PLB1: variants seen among roughly 807,000 people sequenced by gnomAD.
The protein encoded by PLB1 is phospholipase B1, membrane-associated.
Under a neutral mutation model 227.4 loss-of-function variants are expected in PLB1, and 242 were observed. That is an observed-to-expected ratio of 1.06 (90% CI 0.96 to 1.18). The LOEUF is 1.18. Among genes scored for constraint, PLB1 ranks in the 50% most tolerant of loss-of-function variants. PLB1 has a pLI of 0.00. For missense variants in PLB1, 1,858 were observed against 1,816.3 expected (o/e 1.02, Z -0.42); for synonymous variants, 757 against 682.2 (o/e 1.11, Z -1.71).
intron 56 of PLB1, among the ~76,000 whole-genome samples, chr2:28,637,984 G>A (rs376430852): frequency 3.3e-5 from 5 of 151,972 alleles, no homozygotes; most frequent in East Asian, 1.9e-4. Flanking sequence ...GCCTTCCCCC[G>A]CCAAGCTTCT....
intron 14 of PLB1, among the ~76,000 whole-genome samples, chr2:28,543,938 C>T (rs904806434): frequency 7.2e-5 from 11 of 152,354 alleles, no homozygotes; most frequent in South Asian, 4.1e-4. Context: ...GTGGCGTCGA[C>T]GTCGAGGCTT....
chr2:28,640,023 T>TC (rs958040121), intron 56 of PLB1, among the ~76,000 whole-genome samples: 5 of 152,236 alleles, frequency 3.3e-5, no homozygotes, highest in African/African-American at 9.6e-5. Context: ...CTGCCCTCCC[T>TC]CCTCCAATTG....
intron 4 of PLB1, among the ~76,000 whole-genome samples, chr2:28,520,754 C>T (rs1669423432): frequency 6.6e-6 from 1 of 152,104 alleles, no homozygotes; most frequent in Non-Finnish European, 1.5e-5. Context: ...GGGCAGATCA[C>T]TTGAGGTCAG....
intron 13 of PLB1, among the ~76,000 whole-genome samples, chr2:28,542,940 C>T (rs1298529028): frequency 1.3e-5 from 2 of 152,210 alleles, no homozygotes; most frequent in East Asian, 1.9e-4. Flanking sequence ...CCTGCCACCC[C>T]CTCCTTCCAC....
intron 33 of PLB1, chr2:28,596,132 A>G (rs1410222971): frequency 6.6e-6 from 1 of 152,238 alleles, no homozygotes; most frequent in Non-Finnish European, 1.5e-5. Context: ...AATGTTACTG[A>G]GCATCTACTC....
intron 17 of PLB1, among the ~76,000 whole-genome samples, chr2:28,557,279 T>G (rs916147156): frequency 2.6e-5 from 4 of 152,186 alleles, no homozygotes; most frequent in Non-Finnish European, 5.9e-5. Flanking sequence ...ACACGTTTCT[T>G]GAGCTCCTCT....
chr2:28,506,774 C>T (rs1487592366), intron 1 of PLB1, among the ~76,000 whole-genome samples: 1 of 152,166 alleles, frequency 6.6e-6, no homozygotes, highest in Non-Finnish European at 1.5e-5. Flanking sequence ...TCAAAAGAGG[C>T]ACCACCTTGG....
chr2:28,642,745 G>A (rs1690109956), intron 57 of PLB1, 113 bp from the exon 58 acceptor site: 2 of 946,404 alleles, frequency 2.1e-6, no homozygotes, highest in Admixed American at 2.6e-5. Flanking sequence ...GAAGCTCTGT[G>A]AAAACGTGCA....
At chr2:28,585,161 A>G (rs1680694698) in intron 25 of PLB1, among the ~76,000 whole-genome samples, 1 of 152,238 alleles carries the variant, frequency 6.6e-6, no homozygotes, top group South Asian at 2.1e-4. Context: ...CCTCATCGGC[A>G]CAGCACTTTC....
At chr2:28,538,966 C>A in intron 10 of PLB1, 133 bp from the exon 11 acceptor site, 1 of 712,672 alleles carries the variant, frequency 1.4e-6, no homozygotes, top group Non-Finnish European at 2.6e-6. Flanking sequence ...CCCAAAGGAT[C>A]AGGCCCAGTT....
At chr2:28,621,176 C>T (rs965861136) in intron 49 of PLB1, among the ~76,000 whole-genome samples, 198 bp downstream of exon 49, 1 of 152,192 alleles carries the variant, frequency 6.6e-6, no homozygotes, top group African/African-American at 2.4e-5. Context: ...CTTTCCAGAA[C>T]CACCAAGATT....
intron 7 of PLB1, 123 bp from the exon 8 acceptor site, chr2:28,529,605 T>C (rs1369692494): frequency 2.7e-6 from 3 of 1,099,982 alleles, no homozygotes; most frequent in African/African-American, 1.6e-5. Context: ...ATGCCCACCC[T>C]TCAGAAGCCA....
Position 28,538,392 on chromosome 2 carries a change from G to T in PLB1, c.618+11G>T. ...TACCTGCAGCAGGAGGTGAGGCCAC[G>T]GGCCTAGGGCTTCCCCAAGGGCAGT... On this transcript the variant is annotated intron_variant, in intron 10 of 57. Coordinates refer to ENST00000327757, the MANE Select transcript of PLB1 (RefSeq NM_153021.5). 6.2e-7 allele frequency: 1 copy of T among 1,609,582 alleles called. No homozygotes were observed. The highest frequency in any genetic ancestry group is 8.5e-7 in the Non-Finnish European group (1 of 1,178,826).
At chr2:28,526,167 C>T (rs1430756546) in intron 6 of PLB1, among the ~76,000 whole-genome samples, 1 of 152,118 alleles carries the variant, frequency 6.6e-6, no homozygotes, top group Non-Finnish European at 1.5e-5. Flanking sequence ...TCTGGGCAAA[C>T]AGAAGCCAGT....
chr2:28,553,101 C>A, intron 17 of PLB1, 110 bp downstream of exon 17: 1 of 874,600 alleles, frequency 1.1e-6, no homozygotes, highest in East Asian at 2.5e-5. Flanking sequence ...TCAGGGACAA[C>A]AGAAATAACT....
chr2:28,586,462 C>T (rs1680922838), intron 26 of PLB1, among the ~76,000 whole-genome samples: 2 of 152,158 alleles, frequency 1.3e-5, no homozygotes, highest in East Asian at 3.9e-4. Flanking sequence ...TCGAGTTTCT[C>T]CCCAGCAAAA....
chr2:28,550,044 A>T lies in PLB1; in HGVS notation c.1043A>T (p.Asn348Ile). The T allele has an allele frequency of 1.9e-6, 3 of 1,613,676 alleles. No individual in the cohort carries two copies. The highest frequency in any genetic ancestry group is 2.5e-6 in the Non-Finnish European group (3 of 1,179,638). ...SPYLFSYRNS[N>I]YLTRLQKPQD... Reference sequence around the variant, plus strand: ...TATCTGTTCAGCTACAGAAACAGCAACTACCTGACCAGACTGCAGAAACCC... The same window carrying T: ...TATCTGTTCAGCTACAGAAACAGCATCTACCTGACCAGACTGCAGAAACCC... The change falls in exon 16 of 58, where the codon AAC becomes ATC. Residue 348 changes from asparagine (N) to isoleucine (I), a missense_variant. By Grantham distance (149) the Asn-to-Ile change is moderately radical (BLOSUM62 -3). Transcript: ENST00000327757.
intron 1 of PLB1, among the ~76,000 whole-genome samples, chr2:28,496,670 A>G (rs771968734): frequency 2.0e-5 from 3 of 152,226 alleles, no homozygotes; most frequent in Non-Finnish European, 4.4e-5. Context: ...GCTGCTAAAC[A>G]GAGTGCTGAG....
At chr2:28,590,370 C>T (rs1681700100) in intron 29 of PLB1, among the ~76,000 whole-genome samples, 1 of 152,122 alleles carries the variant, frequency 6.6e-6, no homozygotes, top group Non-Finnish European at 1.5e-5. Flanking sequence ...ATCTACCTGT[C>T]ATTCTGAAAG....
Sources: gnomAD v4.1 joint callset for allele counts (sites outside exome capture counted in the v4.1 genomes callset) on GRCh38, gnomAD v4.1.1 for gene constraint, MANE v1.5 for transcripts, NCBI Gene and HGNC (gene_info 2026-07-23, HGNC 2026-07-21) for gene names.